Variants in MYT1L observed in about 807,000 individuals in gnomAD.
The protein encoded by MYT1L is myelin transcription factor 1 like, also known as myelin transcription factor 1-like protein.
A neutral mutation model predicts 126.7 loss-of-function variants in MYT1L; 12 were observed. That is an observed-to-expected ratio of 0.09 (90% CI 0.06 to 0.15). The LOEUF (loss-of-function observed/expected upper bound fraction) is 0.15, where lower values mean the gene tolerates loss of function less well. Ranked by LOEUF, MYT1L falls within the 10% of genes least tolerant of loss-of-function variation. MYT1L has a pLI of 1.00. For synonymous variants in MYT1L, 541 were observed against 604.2 expected (o/e 0.90, Z 1.53); for missense variants, 979 against 1,585.2 (o/e 0.62, Z 6.49).
chr2:2,086,098 TC>T, intron 3 of MYT1L, among the ~76,000 whole-genome samples: 1 of 152,334 alleles, frequency 6.6e-6, no homozygotes, highest in South Asian at 2.1e-4. Flanking sequence ...CTTAGGGTCT[TC>T]CTGCTTATAA....
intron 3 of MYT1L, among the ~76,000 whole-genome samples, chr2:2,101,033 T>A (rs1165298346): frequency 1.3e-5 from 2 of 152,242 alleles, no homozygotes; most frequent in Admixed American, 1.3e-4. Context: ...CTAGATCAGA[T>A]AATGGCAAGG....
At chr2:1,850,382 C>T (rs1011329115) in intron 19 of MYT1L, among the ~76,000 whole-genome samples, 3 of 152,120 alleles carry the variant, frequency 2.0e-5, no homozygotes, top group Non-Finnish European at 4.4e-5. Context: ...CTTACAACTT[C>T]GTTTATTTGA....
chr2:1,896,700 G>A (rs2049620768), intron 14 of MYT1L, among the ~76,000 whole-genome samples: 1 of 152,174 alleles, frequency 6.6e-6, no homozygotes, highest in Non-Finnish European at 1.5e-5. Context: ...AGAGGGGAGT[G>A]GGTTGGAGAA....
intron 4 of MYT1L, among the ~76,000 whole-genome samples, chr2:2,024,096 T>C (rs2065296926): frequency 1.3e-5 from 2 of 152,216 alleles, no homozygotes; most frequent in African/African-American, 4.8e-5. Context: ...CTGAAATTTT[T>C]TATCTTGACT....
At chr2:1,905,316 T>A (rs1307092905) in intron 13 of MYT1L, among the ~76,000 whole-genome samples, 1 of 152,028 alleles carries the variant, frequency 6.6e-6, no homozygotes, top group Non-Finnish European at 1.5e-5. Flanking sequence ...GGTGAATTCA[T>A]GTATTAGTGT....
At chr2:2,011,284 T>C (rs1254612058) in intron 4 of MYT1L, among the ~76,000 whole-genome samples, 3 of 151,776 alleles carry the variant, frequency 2.0e-5, no homozygotes, top group Non-Finnish European at 4.4e-5. Flanking sequence ...CGAACTACCA[T>C]GTTAGGCTGA....
chr2:2,064,916 G>A (rs1317441046), intron 3 of MYT1L, among the ~76,000 whole-genome samples: 1 of 152,168 alleles, frequency 6.6e-6, no homozygotes, highest in Non-Finnish European at 1.5e-5. Context: ...TGTATGACCA[G>A]GTACAGTGAC....
At chr2:2,313,519 T>G (rs1454038326) in intron 1 of MYT1L, among the ~76,000 whole-genome samples, 1 of 151,830 alleles carries the variant, frequency 6.6e-6, no homozygotes, top group Non-Finnish European at 1.5e-5. Flanking sequence ...AATACCTGTT[T>G]TTTTTTTTAA....
chr2:2,215,035 C>T (rs1221154823), intron 2 of MYT1L, among the ~76,000 whole-genome samples: 1 of 151,958 alleles, frequency 6.6e-6, no homozygotes, highest in Non-Finnish European at 1.5e-5. Context: ...GTATTTTACA[C>T]ATCCAAAGCG....
chr2:2,189,427 A>C (rs1270330001), intron 2 of MYT1L, among the ~76,000 whole-genome samples: 1 of 152,234 alleles, frequency 6.6e-6, no homozygotes, highest in Non-Finnish European at 1.5e-5. Context: ...TTAAGTGCAG[A>C]GGCAGATGAG....
chr2:2,277,517 T>A (rs982866084), intron 2 of MYT1L, among the ~76,000 whole-genome samples: 3 of 152,228 alleles, frequency 2.0e-5, no homozygotes, highest in African/African-American at 7.2e-5. Flanking sequence ...AAACCCACAG[T>A]TACATACATG....
intron 13 of MYT1L, among the ~76,000 whole-genome samples, chr2:1,904,381 T>C (rs750666790): frequency 4.1e-4 from 62 of 152,250 alleles, no homozygotes; most frequent in Admixed American, 7.8e-4. Flanking sequence ...TTTGTTGTTG[T>C]TGTTGTGATG....
chr2:2,296,265 A>G (rs942055013), intron 1 of MYT1L, among the ~76,000 whole-genome samples: 1 of 151,938 alleles, frequency 6.6e-6, no homozygotes, highest in Non-Finnish European at 1.5e-5. Context: ...AGTGCCTTTT[A>G]AAACAAGTGG....
At chr2:2,111,960 G>T (rs546999364) in intron 3 of MYT1L, among the ~76,000 whole-genome samples, 1 of 152,224 alleles carries the variant, frequency 6.6e-6, no homozygotes. Context: ...AACAATTTGC[G>T]TCAGGTAAAA....
chr2:2,082,841 T>C lies in MYT1L; in HGVS notation c.-303-28718A>G, dbSNP rs74652905. ...GATATGCTGGTCAGCACAAACACCA[T>C]AGCCCACCTCCCTAAGCAATCTCCT... On this transcript the variant is annotated intron_variant, in intron 3 of 24. Transcript: ENST00000647738. 6.7e-3 allele frequency among the ~76,000 whole-genome samples: 1,014 copies of C among 152,260 alleles called. 12 individuals carry two copies. Among genetic ancestry groups the C allele is most frequent in the African/African-American group, 0.022 (898 of 41,532 alleles).
chr2:2,002,977 G>T (rs1211710129), intron 4 of MYT1L, among the ~76,000 whole-genome samples: 3 of 152,140 alleles, frequency 2.0e-5, no homozygotes, highest in Non-Finnish European at 4.4e-5. Flanking sequence ...GTTAAAGCGT[G>T]AGTTGATTAA....
chr2:2,230,682 C>T (rs1437037300), intron 2 of MYT1L, among the ~76,000 whole-genome samples: 3 of 152,176 alleles, frequency 2.0e-5, no homozygotes, highest in South Asian at 2.1e-4. Flanking sequence ...CGGGCTCCAC[C>T]GGCACCAAAG....
At chr2:2,191,483 G>A (rs545263518) in intron 2 of MYT1L, among the ~76,000 whole-genome samples, 4 of 152,242 alleles carry the variant, frequency 2.6e-5, no homozygotes, top group Admixed American at 1.3e-4. Flanking sequence ...ACCCGAAGCC[G>A]CCCATCCTCA....
chr2:2,288,190 C>A (rs573887539), intron 1 of MYT1L, among the ~76,000 whole-genome samples: 2 of 152,276 alleles, frequency 1.3e-5, no homozygotes, highest in South Asian at 2.1e-4. Context: ...AGATACAGGA[C>A]AACATCAGTT....
Sources: allele counts gnomAD v4.1 joint callset (sites outside exome capture counted in the v4.1 genomes callset), GRCh38; gene constraint gnomAD v4.1.1; transcripts MANE v1.5; gene names NCBI Gene and HGNC (gene_info 2026-07-23, HGNC 2026-07-21).